TRABD2B: variants seen among roughly 807,000 people sequenced by gnomAD.
The protein encoded by TRABD2B is TraB domain containing 2B.
In TRABD2B, 14 loss-of-function variants were observed where a neutral mutation model predicts 40.1. That is an observed-to-expected ratio of 0.35 (90% CI 0.23 to 0.55). The LOEUF is 0.55. TRABD2B is among the 20% of genes least tolerant of loss of function. TRABD2B has a pLI of 0.90. For synonymous variants in TRABD2B, 263 were observed against 277.0 expected (o/e 0.95, Z 0.50); for missense variants, 541 against 648.6 (o/e 0.83, Z 1.80).
At chr1:47,779,476 T>C (rs1451674264) in intron 4 of TRABD2B, among the ~76,000 whole-genome samples, 2 of 152,218 alleles carry the variant, frequency 1.3e-5, no homozygotes, top group South Asian at 2.1e-4. Context: ...GGCAATTTAG[T>C]TGAAAGCCCC....
At chr1:47,843,007 T>A (rs911746831) in intron 2 of TRABD2B, among the ~76,000 whole-genome samples, 2 of 151,888 alleles carry the variant, frequency 1.3e-5, no homozygotes, top group Admixed American at 6.6e-5. Flanking sequence ...AGAGGTAGTG[T>A]CATGATGAAG....
At position 47,996,594 on chromosome 1, in the gene TRABD2B, C is replaced by T; in HGVS notation, c.102+94G>A. ...GGGGGGTGGAGGTGGAGCGGGCGGG[C>T]TAAGGTGGGTGCGGAAGCAGGACCC... is the stretch of plus-strand genomic sequence containing the variant. On this transcript the variant is annotated intron_variant, in intron 1 of 6. Coordinates refer to ENST00000606738, the MANE Select transcript of TRABD2B (RefSeq NM_001194986.2). This position sits in a 1 kb window ranked among gnomAD's most constrained non-coding sequence, Gnocchi z 4.6. 2 of 1,176,540 alleles carry T rather than the reference C, an allele frequency of 1.7e-6. No individual in the cohort carries two copies. The highest frequency in any genetic ancestry group is 2.1e-6 in the Non-Finnish European group (2 of 949,336). 72.9% of individuals were successfully genotyped at this position (1,176,540 alleles called of 1,614,324 possible).
intron 2 of TRABD2B, among the ~76,000 whole-genome samples, chr1:47,808,440 T>C (rs1260326736): frequency 3.9e-5 from 6 of 151,964 alleles, no homozygotes; most frequent in African/African-American, 2.4e-5. Context: ...GTAAATTGGA[T>C]GGGGAGTGAT....
In TRABD2B at chr1:47,765,735, AAAG is replaced by A. The variant is rs1283546033; in HGVS notation, c.*164_*166del. 2.5e-5 allele frequency: 16 copies of A among 634,838 alleles called. No individual in the cohort carries two copies. The highest frequency in any genetic ancestry group is 1.4e-4 in the South Asian group (8 of 55,934). The allele number at this position is 634,838 out of a possible 1,614,324, so 39.3% of individuals were successfully genotyped here. ...TGGGAAATTAAGATCCTTCTACAAA[AAAG>A]AAGATGTAACTTGGGTACAGTAAAG... On this transcript the variant is annotated 3_prime_UTR_variant, in exon 7 of 7. Transcript: ENST00000606738.
intron 2 of TRABD2B, among the ~76,000 whole-genome samples, chr1:47,983,756 GA>G (rs67664418): frequency 0.59 from 71,892 of 121,904 alleles, 17,744 homozygotes; most frequent in South Asian, 0.71. Flanking sequence ...GGCAAAAAAA[GA>G]AAAAAAAAAA....
chr1:47,919,619 G>A (rs764188570), intron 2 of TRABD2B, among the ~76,000 whole-genome samples: 1 of 152,218 alleles, frequency 6.6e-6, no homozygotes, highest in Non-Finnish European at 1.5e-5. Context: ...GATTGGACTG[G>A]ACTAGACAGT....
intron 2 of TRABD2B, among the ~76,000 whole-genome samples, chr1:47,963,590 T>C (rs1221366864): frequency 1.3e-5 from 2 of 152,194 alleles, no homozygotes; most frequent in African/African-American, 2.4e-5. Context: ...CATTCAGCAG[T>C]GGAGATAAAC....
intron 2 of TRABD2B, among the ~76,000 whole-genome samples, chr1:47,852,063 C>A (rs1277944165): frequency 6.6e-6 from 1 of 152,190 alleles, no homozygotes; most frequent in African/African-American, 2.4e-5. Context: ...TTCTAGAGCT[C>A]TGTGCTAAGG....
chr1:47,919,107 A>T (rs1644867433), intron 2 of TRABD2B, among the ~76,000 whole-genome samples: 1 of 152,228 alleles, frequency 6.6e-6, no homozygotes, highest in Non-Finnish European at 1.5e-5. Context: ...CTGCTTTATT[A>T]TAGGTCTCCC....
At chr1:47,794,083 A>T (rs1228798441) in intron 4 of TRABD2B, among the ~76,000 whole-genome samples, 1 of 152,250 alleles carries the variant, frequency 6.6e-6, no homozygotes, top group East Asian at 1.9e-4. Flanking sequence ...TTTTCAGTTC[A>T]TCAAATAGTT....
At chr1:47,772,777 G>A (rs1298471670) in intron 6 of TRABD2B, among the ~76,000 whole-genome samples, 1 of 152,082 alleles carries the variant, frequency 6.6e-6, no homozygotes, top group African/African-American at 2.4e-5. Flanking sequence ...AACGGAGGCT[G>A]TGCCCTGCAC....
intron 1 of TRABD2B, among the ~76,000 whole-genome samples, chr1:47,995,855 G>A (rs768057668): frequency 3.3e-5 from 5 of 152,218 alleles, no homozygotes; most frequent in Non-Finnish European, 5.9e-5. Flanking sequence ...GCAGGCTGCT[G>A]GAGGTGCACC....
chr1:47,840,699 G>T (rs868772426), intron 2 of TRABD2B, among the ~76,000 whole-genome samples: 1 of 152,204 alleles, frequency 6.6e-6, no homozygotes, highest in Non-Finnish European at 1.5e-5. Flanking sequence ...CCACAGTTGA[G>T]TTATGAGCTC....
chr1:47,921,548 G>A (rs1644901779), intron 2 of TRABD2B, among the ~76,000 whole-genome samples: 1 of 152,208 alleles, frequency 6.6e-6, no homozygotes, highest in South Asian at 2.1e-4. Context: ...CTATGTGACA[G>A]TGTCTCTGCT....
At chr1:47,846,093 T>C (rs985830359) in intron 2 of TRABD2B, among the ~76,000 whole-genome samples, 3 of 152,238 alleles carry the variant, frequency 2.0e-5, no homozygotes, top group Non-Finnish European at 2.9e-5. Flanking sequence ...AATACTTTAA[T>C]AGCTGCTATG....
At chr1:47,805,975 C>T (rs1644886539) in intron 2 of TRABD2B, among the ~76,000 whole-genome samples, 1 of 152,080 alleles carries the variant, frequency 6.6e-6, no homozygotes, top group Non-Finnish European at 1.5e-5. Context: ...GGAAGAGAGC[C>T]AAGAGGGATG....
intron 2 of TRABD2B, among the ~76,000 whole-genome samples, chr1:47,979,327 C>T (rs1011728915): frequency 1.3e-5 from 2 of 152,180 alleles, no homozygotes; most frequent in South Asian, 2.1e-4. Flanking sequence ...ATTCATTCTA[C>T]GAGGTTCCTT....
At chr1:47,985,145 C>T (rs1250598239) in intron 2 of TRABD2B, among the ~76,000 whole-genome samples, 2 of 152,166 alleles carry the variant, frequency 1.3e-5, no homozygotes, top group Admixed American at 6.5e-5. Context: ...TGTAACTACC[C>T]CAAGGTTACT....
intron 2 of TRABD2B, among the ~76,000 whole-genome samples, chr1:47,853,313 G>A (rs1021467190): frequency 8.5e-5 from 13 of 152,176 alleles, no homozygotes; most frequent in Non-Finnish European, 1.5e-4. Context: ...TTAGCCAAGG[G>A]GCAAGATCAA....
Sources: allele counts gnomAD v4.1 joint callset (sites outside exome capture counted in the v4.1 genomes callset), GRCh38; gene constraint gnomAD v4.1.1; non-coding constraint Gnocchi (gnomAD v3.1); transcripts MANE v1.5; gene names NCBI Gene and HGNC (gene_info 2026-07-23, HGNC 2026-07-21).